SLC26A11: variants seen among roughly 807,000 people sequenced by gnomAD.
SLC26A11 encodes the protein sodium-independent sulfate anion transporter.
A neutral mutation model predicts 62.2 loss-of-function variants in SLC26A11; 58 were observed. The observed-to-expected ratio is 0.93, with a 90% CI of 0.76 to 1.16. SLC26A11 has a LOEUF of 1.16. Ranked by LOEUF, SLC26A11 falls within the 50% of genes most tolerant of loss-of-function variation. The pLI is 0.00. For synonymous variants in SLC26A11, 411 were observed against 368.9 expected (o/e 1.11, Z -1.31); for missense variants, 790 against 794.3 (o/e 0.99, Z 0.06).
chr17:80,238,820 GTTTTTTGTTTTTTT>G lies in SLC26A11; in HGVS notation c.985+1233_985+1246del, dbSNP rs1490986977. 3.4e-5 allele frequency among the ~76,000 whole-genome samples: 3 copies of G among 87,366 alleles called. No homozygotes were observed. The East Asian group carries it at 9.8e-4, about 29-fold the overall frequency. The allele number at this position is 87,366 out of a possible 152,430, so 57.3% of individuals were successfully genotyped here. On this transcript the variant is annotated intron_variant, in intron 9 of 17. Coordinates refer to ENST00000361193, the MANE Select transcript of SLC26A11 (RefSeq NM_001166347.2). Reference sequence around the variant, plus strand: ...TACCCCCTTCAAAGGAGTTTTTTTTGTTTTTTGTTTTTTTTTTTTTTTGGAGACAGAGTCTCACT... The same window carrying G: ...TACCCCCTTCAAAGGAGTTTTTTTTGTTTTTTTTGGAGACAGAGTCTCACT...
chr17:80,238,563 C>T (rs371668666), intron 9 of SLC26A11, among the ~76,000 whole-genome samples: 26 of 152,142 alleles, frequency 1.7e-4, no homozygotes, highest in African/African-American at 5.8e-4. Flanking sequence ...CTTGCAGCTC[C>T]GTCCTTCACT....
rs1352076881 is a variant in SLC26A11, at chr17:80,252,230, A to G, written c.1730-395A>G. 6.6e-6 allele frequency among the ~76,000 whole-genome samples: 1 copy of G among 152,172 alleles called. No individual in the cohort carries two copies. The highest frequency in any genetic ancestry group is 2.4e-5 in the African/African-American group (1 of 41,446). ...GGCCTCTTCCTCTTCCACTGAGGTC[A>G]CAGCTGAAGCTGGGTCAGCTCCGTG... is the stretch of plus-strand genomic sequence containing the variant. On this transcript the variant is annotated intron_variant, in intron 17 of 17. Coordinates refer to ENST00000361193, the MANE Select transcript of SLC26A11 (RefSeq NM_001166347.2). The surrounding 1 kb of genome is among the most constrained non-coding windows in gnomAD (Gnocchi z 5.2).
chr17:80,248,645 G>C lies in SLC26A11; in HGVS notation c.1493G>C (p.Arg498Pro). 1 of 1,581,520 alleles carries C rather than the reference G, an allele frequency of 6.3e-7. No individual in the cohort carries two copies. The highest frequency in any genetic ancestry group is 8.6e-7 in the Non-Finnish European group (1 of 1,163,870). ...TCCTTCCCTGCCATGGAGGCTCTGC[G>C]GGAGGAGATCCTAAGCCGGGCCCTG... The part of the protein sequence containing the change: ...GLSFPAMEAL[R>P]EEILSRALEV... The change falls in exon 15 of 18, where the codon CGG becomes CCG. Residue 498 changes from arginine (R) to proline (P), a missense_variant. Transcript: ENST00000361193.
At chr17:80,247,608 C>T (rs1022648403) in intron 13 of SLC26A11, among the ~76,000 whole-genome samples, 6 of 152,216 alleles carry the variant, frequency 3.9e-5, no homozygotes, top group African/African-American at 1.2e-4. Context: ...CAGGGCCTTT[C>T]GCGTGCCAGT....
rs868148946 is a variant in SLC26A11, at chr17:80,222,504, C to A, written c.235-151C>A. 1 of 763,768 alleles carries A rather than the reference C, an allele frequency of 1.3e-6. No homozygotes were observed. The highest frequency in any genetic ancestry group is 2.1e-6 in the Non-Finnish European group (1 of 475,086). The allele number at this position is 763,768 out of a possible 1,614,324, so 47.3% of individuals were successfully genotyped here. A position where few individuals can be genotyped will look rare whatever the true frequency, so the allele number is the denominator to read the frequency against. On this transcript the variant is annotated intron_variant, in intron 3 of 17. Coordinates refer to ENST00000361193, the MANE Select transcript of SLC26A11 (RefSeq NM_001166347.2). The surrounding 1 kb of genome is among the most constrained non-coding windows in gnomAD (Gnocchi z 4.7). ...TGCTAAAAAAGTGGCCTCCTGATCA[C>A]TGCAGGTCCACCCACAGGGCAGGGC...
intron 7 of SLC26A11, among the ~76,000 whole-genome samples, chr17:80,235,479 C>G (rs1567955220): frequency 6.6e-6 from 1 of 152,182 alleles, no homozygotes; most frequent in Non-Finnish European, 1.5e-5. Context: ...ACCTCAGCCC[C>G]CCAAGTAGCT....
intron 10 of SLC26A11, 38 bp downstream of exon 10, chr17:80,241,859 G>A (rs117140258): frequency 0.025 from 40,694 of 1,611,126 alleles, 592 homozygotes; most frequent in Non-Finnish European, 0.028. Flanking sequence ...CACCAGCTGT[G>A]GGCCTCCAGG....
intron 10 of SLC26A11, 31 bp downstream of exon 10, chr17:80,241,852 C>T: frequency 1.2e-6 from 2 of 1,613,642 alleles, no homozygotes; most frequent in African/African-American, 1.3e-5. Flanking sequence ...AGGAAGACAC[C>T]AGCTGTGGGC....
At chr17:80,226,503 C>G (rs150623697) in intron 6 of SLC26A11, among the ~76,000 whole-genome samples, 1,528 of 152,294 alleles carry the variant, frequency 0.01, 33 homozygotes, top group African/African-American at 0.034. Context: ...GAGTTCAAGA[C>G]CAGCCTGGTC....
At position 80,237,031 on chromosome 17, in the gene SLC26A11, C is replaced by G. The variant is rs371588133; in HGVS notation, c.840C>G (p.Leu280=). The change falls in exon 8 of 18, where the codon CTC becomes CTG. Residue 280 remains leucine (L), a synonymous_variant. Transcript: ENST00000361193. ...TAACAGGGGAGACAGCTGAGGGGCT[C>G]CCTCCAGTCCGGATCCCGCCCTTCT... ...FILTGETAEG[L]PPVRIPPFSV... The G allele has an allele frequency of 6.2e-7, 1 of 1,614,076 alleles. No homozygotes were observed. Among genetic ancestry groups the G allele is most frequent in the African/African-American group, 1.3e-5 (1 of 75,022 alleles).
intron 5 of SLC26A11, among the ~76,000 whole-genome samples, chr17:80,224,263 G>A (rs2042313954): frequency 2.0e-5 from 3 of 146,378 alleles, no homozygotes; most frequent in Non-Finnish European, 3.0e-5. Context: ...GTGAGTGTGT[G>A]CGTGTGTGAG....
At chr17:80,233,818 A>ATCCTCCCACAAGGGT (rs2042623679) in intron 7 of SLC26A11, among the ~76,000 whole-genome samples, 2 of 151,576 alleles carry the variant, frequency 1.3e-5, no homozygotes, top group Admixed American at 1.3e-4. Flanking sequence ...GGCTCAAGGG[A>ATCCTCCCACAAGGGT]TCCTCCCACT....
intron 13 of SLC26A11, among the ~76,000 whole-genome samples, chr17:80,247,728 A>G (rs1164165632): frequency 6.6e-6 from 1 of 152,188 alleles, no homozygotes; most frequent in Non-Finnish European, 1.5e-5. Context: ...GGCCTGACCT[A>G]TGCGTGCGGT....
intron 17 of SLC26A11, among the ~76,000 whole-genome samples, chr17:80,251,821 T>C (rs981507413): frequency 6.6e-6 from 1 of 150,872 alleles, no homozygotes; most frequent in Admixed American, 6.6e-5. Context: ...ACTTTGGTGA[T>C]CACTCCATAC....
chr17:80,237,719 A>T, intron 9 of SLC26A11, 125 bp downstream of exon 9: 1 of 840,244 alleles, frequency 1.2e-6, no homozygotes, highest in South Asian at 1.6e-5. Context: ...CAAGTAATAC[A>T]TGCTCATGAT....
chr17:80,238,811 G>GTTTTTTTTTTTTTTTTTTTTTTTTT (rs1276063968), intron 9 of SLC26A11, among the ~76,000 whole-genome samples: 1 of 123,226 alleles, frequency 8.1e-6, no homozygotes, highest in Non-Finnish European at 1.6e-5. Flanking sequence ...CTTCAAAGGA[G>GTTTTTTTTTTTTTTTTTTTTTTTTT]TTTTTTTTGT....
In SLC26A11 at chr17:80,237,553, T is replaced by A; in HGVS notation, c.944T>A (p.Leu315Gln). The A allele has an allele frequency of 6.2e-7, 1 of 1,611,992 alleles. No individual in the cohort carries two copies. Among genetic ancestry groups the A allele is most frequent in the African/African-American group, 1.3e-5 (1 of 75,048 alleles). ...GGAGCCGGGCTGGCCGTGGTGCCCC[T>A]GATGGGCCTCCTGGAGAGCATTGCG... ...DMGAGLAVVP[L>Q]MGLLESIAVA... Residue 315 changes from leucine to glutamine, a missense_variant, in exon 9 of 18, where the codon CTG becomes CAG. By Grantham distance (113) the Leu-to-Gln change is moderately radical. Coordinates refer to ENST00000361193, the MANE Select transcript of SLC26A11 (RefSeq NM_001166347.2).
chr17:80,252,756 C>G lies in SLC26A11; in HGVS notation c.*40C>G. Reference sequence around the variant, plus strand: ...GGCATCCACAGTTTGCAGGGTGTTCCGGAAGGTTCTTGTCACTGTGATTGG... The same window carrying G: ...GGCATCCACAGTTTGCAGGGTGTTCGGGAAGGTTCTTGTCACTGTGATTGG... On this transcript the variant is annotated 3_prime_UTR_variant, in exon 18 of 18. Coordinates refer to ENST00000361193, the MANE Select transcript of SLC26A11 (RefSeq NM_001166347.2). The surrounding 1 kb of genome is among the most constrained non-coding windows in gnomAD (Gnocchi z 5.2). 1 of 1,574,720 alleles carries G rather than the reference C, an allele frequency of 6.4e-7. No individual in the cohort carries two copies. Among genetic ancestry groups the G allele is most frequent in the South Asian group, 1.1e-5 (1 of 89,788 alleles).
rs750390936 is a variant in SLC26A11, at chr17:80,225,874, TC to T, written c.553del (p.Leu185CysfsTer15). 6 of 1,613,908 alleles carry T rather than the reference TC, an allele frequency of 3.7e-6. No individual in the cohort carries two copies. In the African/African-American group the frequency reaches 8.0e-5, roughly 22 times the overall value. ...CTACAGAACATCCCCAGGCCGTTCT[TC>T]CTGCAGGTGTACCACACCTTCCTCA... ...LGLQNIPRPF[F>X]LQVYHTFLRI... On this transcript the variant is annotated frameshift_variant, in exon 6 of 18. Coordinates refer to ENST00000361193, the MANE Select transcript of SLC26A11 (RefSeq NM_001166347.2). LOFTEE classifies it high-confidence loss of function.
Sources: gnomAD v4.1 joint callset for allele counts (sites outside exome capture counted in the v4.1 genomes callset) on GRCh38, gnomAD v4.1.1 for gene constraint, Gnocchi (gnomAD v3.1) non-coding constraint, MANE v1.5 for transcripts, NCBI Gene and HGNC (gene_info 2026-07-23, HGNC 2026-07-21) for gene names.